GRID1: variants seen among roughly 807,000 people sequenced by gnomAD.
GRID1 encodes the protein glutamate receptor ionotropic, delta-1.
In GRID1, 28 loss-of-function variants were observed where a neutral mutation model predicts 98.0. The observed-to-expected ratio is 0.29, with a 90% CI of 0.21 to 0.39. GRID1 has a LOEUF of 0.39. Ranked by LOEUF, GRID1 falls within the 10% of genes least tolerant of loss-of-function variation. GRID1 has a pLI of 1.00. For missense variants in GRID1, 1,111 were observed against 1,340.5 expected (o/e 0.83, Z 2.67); for synonymous variants, 553 against 538.5 (o/e 1.03, Z -0.37).
chr10:85,936,998 G>A (rs904874738), intron 4 of GRID1, among the ~76,000 whole-genome samples: 6 of 152,146 alleles, frequency 3.9e-5, no homozygotes, highest in African/African-American at 1.4e-4. Flanking sequence ...AGCCCAGACC[G>A]ACCTGGAGAG....
chr10:86,205,338 C>G (rs549371734), intron 3 of GRID1, among the ~76,000 whole-genome samples: 30 of 152,358 alleles, frequency 2.0e-4, no homozygotes, highest in African/African-American at 5.8e-4. Context: ...CCCACACCCT[C>G]TAACATGTTA....
chr10:85,872,153 G>C (rs763496095), intron 5 of GRID1, among the ~76,000 whole-genome samples: 46 of 151,962 alleles, frequency 3.0e-4, no homozygotes, highest in Non-Finnish European at 5.7e-4. Context: ...CCGAACACAG[G>C]ATACAGAATA....
intron 4 of GRID1, among the ~76,000 whole-genome samples, chr10:86,026,589 C>T (rs1843119718): frequency 6.6e-6 from 1 of 152,262 alleles, no homozygotes; most frequent in South Asian, 2.1e-4. Context: ...ACAACCAAGT[C>T]AACTATGTCA....
At chr10:85,995,812 G>A (rs1344785575) in intron 4 of GRID1, among the ~76,000 whole-genome samples, 1 of 152,364 alleles carries the variant, frequency 6.6e-6, no homozygotes, top group South Asian at 2.1e-4. Flanking sequence ...TAGGAAAAGA[G>A]TGAGGATGTC....
At chr10:86,136,314 C>G (rs947766364) in intron 4 of GRID1, among the ~76,000 whole-genome samples, 1 of 152,124 alleles carries the variant, frequency 6.6e-6, no homozygotes, top group Non-Finnish European at 1.5e-5. Context: ...GTATAAGCAC[C>G]CTGAGAACCT....
intron 8 of GRID1, among the ~76,000 whole-genome samples, chr10:85,819,064 C>A (rs1842739535): frequency 6.6e-6 from 1 of 151,880 alleles, no homozygotes; most frequent in African/African-American, 2.4e-5. Context: ...TAAAAAAATC[C>A]ATGAGTTCAT....
At chr10:85,953,048 CA>C (rs1842145239) in intron 4 of GRID1, among the ~76,000 whole-genome samples, 1 of 151,992 alleles carries the variant, frequency 6.6e-6, no homozygotes, top group Non-Finnish European at 1.5e-5. Flanking sequence ...ATAACAAACA[CA>C]GTATGTGTTA....
chr10:85,604,402 G>A (rs758102418), intron 15 of GRID1, among the ~76,000 whole-genome samples: 12 of 152,128 alleles, frequency 7.9e-5, no homozygotes, highest in East Asian at 1.9e-4. Flanking sequence ...GATGTGGCTC[G>A]CTGTCATAGG....
chr10:85,722,886 A>G, intron 12 of GRID1, 117 bp downstream of exon 12: 2 of 660,580 alleles, frequency 3.0e-6, no homozygotes, highest in Non-Finnish European at 4.5e-6. Context: ...ATTCCAGGAG[A>G]CCATCAGTTT....
At chr10:86,011,879 C>T (rs989471897) in intron 4 of GRID1, among the ~76,000 whole-genome samples, 3 of 152,130 alleles carry the variant, frequency 2.0e-5, no homozygotes, top group East Asian at 1.9e-4. Flanking sequence ...GTATGTCGGC[C>T]GGGCATGAGG....
intron 4 of GRID1, among the ~76,000 whole-genome samples, chr10:85,965,989 G>A (rs1028083465): frequency 1.2e-4 from 18 of 152,106 alleles, no homozygotes; most frequent in Admixed American, 3.9e-4. Flanking sequence ...TGGTTAAGAA[G>A]ACCATCTTCC....
At chr10:86,337,715 T>C (rs868021789) in intron 2 of GRID1, among the ~76,000 whole-genome samples, 2 of 140,258 alleles carry the variant, frequency 1.4e-5, no homozygotes, top group African/African-American at 5.4e-5. Context: ...TTTTTTTTTT[T>C]TTTTTTTTTT....
chr10:86,245,347 C>A (rs897570108), intron 2 of GRID1, among the ~76,000 whole-genome samples: 1 of 152,222 alleles, frequency 6.6e-6, no homozygotes, highest in African/African-American at 2.4e-5. Flanking sequence ...AGCACCTACC[C>A]CTCAGACAGT....
chr10:85,931,601 T>C (rs1206526273), intron 4 of GRID1, among the ~76,000 whole-genome samples: 1 of 152,218 alleles, frequency 6.6e-6, no homozygotes, highest in African/African-American at 2.4e-5. Context: ...AGCAACCTGT[T>C]CATGTCTTAA....
At chr10:85,859,501 A>G (rs1049815310) in intron 6 of GRID1, among the ~76,000 whole-genome samples, 8 of 152,214 alleles carry the variant, frequency 5.3e-5, no homozygotes, top group African/African-American at 1.7e-4. Flanking sequence ...TTTACAAAAA[A>G]GAGAAATTAT....
At chr10:85,739,391 G>A (rs2132670985) in intron 8 of GRID1, among the ~76,000 whole-genome samples, 1 of 151,996 alleles carries the variant, frequency 6.6e-6, no homozygotes, top group African/African-American at 2.4e-5. Flanking sequence ...ACCAACCCAG[G>A]CAACATGGCA....
At chr10:86,363,009 G>A (rs1479725390) in intron 2 of GRID1, among the ~76,000 whole-genome samples, 3 of 152,286 alleles carry the variant, frequency 2.0e-5, no homozygotes, top group East Asian at 3.8e-4. Flanking sequence ...GAGCAAGGCA[G>A]AGGGAAGGAG....
chr10:86,314,656 C>A (rs1847875090), intron 2 of GRID1, among the ~76,000 whole-genome samples: 1 of 152,202 alleles, frequency 6.6e-6, no homozygotes, highest in South Asian at 2.1e-4. Context: ...CAGAACAAGA[C>A]CCCCTGAGGA....
intron 2 of GRID1, among the ~76,000 whole-genome samples, chr10:86,267,832 G>A (rs552653086): frequency 5.3e-5 from 8 of 152,326 alleles, no homozygotes; most frequent in African/African-American, 1.9e-4. Context: ...CCAGCACTGT[G>A]CTCTCTCATC....
Sources: allele counts gnomAD v4.1 joint callset (sites outside exome capture counted in the v4.1 genomes callset), GRCh38; gene constraint gnomAD v4.1.1; transcripts MANE v1.5; gene names NCBI Gene and HGNC (gene_info 2026-07-23, HGNC 2026-07-21).